The following OPA1 variants were observed in gnomAD, a reference collection of about 807,000 sequenced individuals.
OPA1 encodes the protein dynamin-like GTPase OPA1, mitochondrial.
OPA1 carries 59 observed loss-of-function variants against 152.9 expected under a neutral mutation model. The ratio of observed to expected loss-of-function variants is 0.39; its 90% confidence interval spans 0.31 to 0.48. OPA1 has a LOEUF of 0.48. Ranked by LOEUF, OPA1 falls within the 20% of genes least tolerant of loss-of-function variation. The pLI is 0.96. For missense variants in OPA1, 1,008 were observed against 1,216.8 expected (o/e 0.83, Z 2.55); for synonymous variants, 400 against 389.9 (o/e 1.03, Z -0.31).
In OPA1 at chr3:193,600,944, A is replaced by G. The variant is rs1005811008; in HGVS notation, c.32+7535A>G. ...CCACCTTTTAAATTAAGCTTTTTGT[A>G]GTAACAGAATCAGGGGAGGGATTAG... On this transcript the variant is annotated intron_variant, in intron 1 of 30. Coordinates refer to ENST00000361510, the MANE Select transcript of OPA1 (RefSeq NM_130837.3). 2.0e-5 allele frequency among the ~76,000 whole-genome samples: 3 copies of G among 152,212 alleles called. No individual in the cohort carries two copies. The East Asian group carries it at 5.8e-4, about 29-fold the overall frequency.
intron 23 of OPA1, among the ~76,000 whole-genome samples, chr3:193,657,958 C>G (rs1714255899): frequency 2.0e-5 from 3 of 152,088 alleles, no homozygotes; most frequent in African/African-American, 7.2e-5. Context: ...AAGTGTTTGT[C>G]TTTATGGCCG....
intron 14 of OPA1, 41 bp downstream of exon 14, chr3:193,643,485 G>T: frequency 6.2e-7 from 1 of 1,604,706 alleles, no homozygotes; most frequent in South Asian, 1.1e-5. Context: ...TATTCTTATT[G>T]TGTGAAGCAT....
chr3:193,616,998 C>T (rs957321283), intron 3 of OPA1, among the ~76,000 whole-genome samples, 180 bp from the exon 4 acceptor site: 2 of 152,204 alleles, frequency 1.3e-5, no homozygotes, highest in African/African-American at 4.8e-5. Flanking sequence ...GGCTGGAACC[C>T]GGGCTCCTCC....
chr3:193,671,214 G>A (rs1717848890), intron 29 of OPA1, among the ~76,000 whole-genome samples: 1 of 152,214 alleles, frequency 6.6e-6, no homozygotes, highest in Non-Finnish European at 1.5e-5. Context: ...ATCACTTTAA[G>A]CAAGTGGTCA....
chr3:193,668,322 C>A (rs1717109579), intron 29 of OPA1: 4 of 1,550,042 alleles, frequency 2.6e-6, no homozygotes, highest in Non-Finnish European at 3.5e-6. Context: ...CAGAAATGTT[C>A]TTTTTCCCCA....
chr3:193,616,021 T>C (rs1207849764), intron 3 of OPA1, among the ~76,000 whole-genome samples: 1 of 152,196 alleles, frequency 6.6e-6, no homozygotes, highest in Non-Finnish European at 1.5e-5. Flanking sequence ...AGTATCTTTT[T>C]AACTTATCGA....
intron 8 of OPA1, among the ~76,000 whole-genome samples, chr3:193,634,006 G>C (rs577592293): frequency 9.8e-4 from 149 of 152,230 alleles, no homozygotes; most frequent in Non-Finnish European, 1.3e-3. Context: ...AATTTGGCTT[G>C]AGTTGGACTT....
chr3:193,616,069 G>A (rs912672024), intron 3 of OPA1, among the ~76,000 whole-genome samples: 1 of 152,154 alleles, frequency 6.6e-6, no homozygotes, highest in African/African-American at 2.4e-5. Context: ...AGGCTGAAGT[G>A]CGGTCTTGGA....
At chr3:193,595,247 C>G (rs1165047675) in intron 1 of OPA1, among the ~76,000 whole-genome samples, 1 of 152,166 alleles carries the variant, frequency 6.6e-6, no homozygotes, top group African/African-American at 2.4e-5. Context: ...CAGATGAGAG[C>G]ATAAGCATTT....
Position 193,688,496 on chromosome 3 carries a change from T to G in OPA1, c.2984-3567T>G, listed in dbSNP as rs868079296. On this transcript the variant is annotated intron_variant, in intron 29 of 30. Coordinates refer to ENST00000361510, the MANE Select transcript of OPA1 (RefSeq NM_130837.3). The stretch of plus-strand genomic sequence containing the variant: ...TTTTTTTTTTTTTTTTTTTTTTTTT[T>G]GAGACAGAGTCTCGCTATGTCACCA... Among the ~76,000 whole-genome samples the G allele has an allele frequency of 2.7e-4, 30 of 110,702 alleles. 1 individual carries two copies. Among genetic ancestry groups the G allele is most frequent in the African/African-American group, 3.8e-4 (10 of 26,380 alleles). The allele number at this position is 110,702 out of a possible 152,430, so 72.6% of individuals were successfully genotyped here.
chr3:193,625,572 A>G (rs1250457064), intron 6 of OPA1, among the ~76,000 whole-genome samples: 1 of 152,180 alleles, frequency 6.6e-6, no homozygotes, highest in Non-Finnish European at 1.5e-5. Context: ...CACATAGAAT[A>G]TATGACTTAA....
At position 193,657,129 on chromosome 3, in the gene OPA1, C is replaced by T. The variant is rs746579947; in HGVS notation, c.2228C>T (p.Pro743Leu). ...GAATTTTCCCGCTTTATGACAGAACCGAAAGGGAAAGAGCATGATGACATA... is the reference window on the plus strand; with the variant it reads ...GAATTTTCCCGCTTTATGACAGAACTGAAAGGGAAAGAGCATGATGACATA... ...QEEFSRFMTE[P>L]KGKEHDDIFD... Residue 743 changes from proline to leucine, a missense_variant, in exon 23 of 31, where the codon CCG becomes CTG. Pro to Leu is a moderately conservative substitution (Grantham distance 98). Coordinates refer to ENST00000361510, the MANE Select transcript of OPA1 (RefSeq NM_130837.3). 72 of 1,613,444 alleles carry T rather than the reference C, an allele frequency of 4.5e-5. No homozygotes were observed. The highest frequency in any genetic ancestry group is 6.1e-5 in the Non-Finnish European group (72 of 1,179,856).
intron 21 of OPA1, among the ~76,000 whole-genome samples, chr3:193,650,793 CAGA>C (rs1207070558): frequency 1.3e-5 from 2 of 152,198 alleles, no homozygotes; most frequent in East Asian, 3.9e-4. Flanking sequence ...CACTGACATT[CAGA>C]AGGAGATATT....
intron 11 of OPA1, among the ~76,000 whole-genome samples, chr3:193,638,885 T>C (rs185886420): frequency 6.6e-6 from 1 of 152,330 alleles, no homozygotes; most frequent in East Asian, 1.9e-4. Flanking sequence ...AGTGAAGATA[T>C]TTTATGGCAG....
chr3:193,636,574 A>G (rs947381864), intron 9 of OPA1, among the ~76,000 whole-genome samples: 5 of 151,760 alleles, frequency 3.3e-5, no homozygotes, highest in African/African-American at 1.2e-4. Context: ...TTCATTCATC[A>G]AATTTACATG....
intron 1 of OPA1, among the ~76,000 whole-genome samples, chr3:193,608,775 G>A (rs188916352): frequency 1.6e-4 from 24 of 152,144 alleles, no homozygotes; most frequent in Admixed American, 8.5e-4. Flanking sequence ...TTTCTGTCTC[G>A]TTGGTCTGTC....
chr3:193,637,270 C>A lies in OPA1; in HGVS notation c.1024C>A (p.His342Asn). The A allele has an allele frequency of 6.2e-7, 1 of 1,603,954 alleles. No individual in the cohort carries two copies. The highest frequency in any genetic ancestry group is 1.1e-5 in the South Asian group (1 of 90,494). The change falls in exon 10 of 31, where the codon CAT becomes AAT. Residue 342 changes from histidine (H) to asparagine (N), a missense_variant. Transcript: ENST00000361510. ...TGATGCCAGTTATAATACGCAAGATCATCTGCCACGGGTATGTGAAAAATT... is the reference window on the plus strand; with the variant it reads ...TGATGCCAGTTATAATACGCAAGATAATCTGCCACGGGTATGTGAAAAATT... ...DYDASYNTQDHLPRVVVVGDQ... is the reference protein window; with the variant it reads ...DYDASYNTQDNLPRVVVVGDQ...
rs1199056091 is a variant in OPA1 at position 193,644,039 on chromosome 3, AAGG to A, written c.1545_1547del (p.Arg516del). On this transcript the variant is annotated inframe_deletion, in exon 16 of 31. Coordinates refer to ENST00000361510, the MANE Select transcript of OPA1 (RefSeq NM_130837.3). ...TGGTCAGTCAAATGGACCCTCATGGAAGGAGAACCATATTCGTTTTGACCAAAG... is the reference window on the plus strand; with the variant it reads ...TGGTCAGTCAAATGGACCCTCATGGAAGAACCATATTCGTTTTGACCAAAG... The A allele has an allele frequency of 6.2e-7, 1 of 1,613,748 alleles. No individual in the cohort carries two copies. The highest frequency in any genetic ancestry group is 1.3e-5 in the African/African-American group (1 of 74,896).
intron 1 of OPA1, among the ~76,000 whole-genome samples, chr3:193,607,458 G>A (rs934279842): frequency 6.6e-6 from 1 of 152,176 alleles, no homozygotes; most frequent in Non-Finnish European, 1.5e-5. Flanking sequence ...GTAAGGAAGG[G>A]ATCCAGTTTC....
Sources: allele counts gnomAD v4.1 joint callset (sites outside exome capture counted in the v4.1 genomes callset), GRCh38; gene constraint gnomAD v4.1.1; transcripts MANE v1.5; gene names NCBI Gene and HGNC (gene_info 2026-07-23, HGNC 2026-07-21).